The following CTNNA3 variants were observed in gnomAD, a reference collection of about 807,000 sequenced individuals.
The protein encoded by CTNNA3 is catenin alpha 3, also known as catenin alpha-3.
A neutral mutation model predicts 95.7 loss-of-function variants in CTNNA3; 76 were observed. The observed-to-expected ratio is 0.79, with a 90% CI of 0.66 to 0.96. CTNNA3 has a LOEUF of 0.96. Among genes scored for constraint, CTNNA3 ranks in the 40% least tolerant of loss-of-function variants. CTNNA3 has a pLI of 0.00. For missense variants in CTNNA3, 1,191 were observed against 1,089.8 expected (o/e 1.09, Z -1.31); for synonymous variants, 431 against 374.4 (o/e 1.15, Z -1.74).
intron 11 of CTNNA3, among the ~76,000 whole-genome samples, chr10:66,401,296 G>A (rs1221036622): frequency 6.6e-6 from 1 of 152,034 alleles, no homozygotes; most frequent in African/African-American, 2.4e-5. Context: ...GGAGGCTGAG[G>A]CAGGGGATTG....
chr10:66,690,304 T>C (rs10822877), intron 9 of CTNNA3, among the ~76,000 whole-genome samples: 27,071 of 152,036 alleles, frequency 0.18, 3,054 homozygotes, highest in East Asian at 0.34. Flanking sequence ...TTTTTATATG[T>C]CACGTCTTTT....
intron 1 of CTNNA3, among the ~76,000 whole-genome samples, chr10:67,671,280 T>C (rs745742266): frequency 2.5e-4 from 38 of 152,288 alleles, no homozygotes; most frequent in Middle Eastern, 3.4e-3. Context: ...ACTGCAAAGC[T>C]GAAGAGGAAG....
chr10:67,220,205 C>T (rs2132266690), intron 5 of CTNNA3, among the ~76,000 whole-genome samples: 1 of 152,274 alleles, frequency 6.6e-6, no homozygotes, highest in Admixed American at 6.5e-5. Flanking sequence ...TACATGGGAG[C>T]TTGAATTACA....
Position 65,917,538 on chromosome 10 carries a change from C to T in CTNNA3, c.*2792G>A, listed in dbSNP as rs1188745729. On this transcript the variant is annotated 3_prime_UTR_variant, in exon 18 of 18. Transcript: ENST00000433211. ...TGGTGGGTAACCAGGGATGGAACTG[C>T]TCCTGTGGGTGGTAAACACCCCTCT... is the stretch of plus-strand genomic sequence containing the variant. 4 of 151,844 alleles carry T rather than the reference C, an allele frequency of 2.6e-5. No homozygotes were observed. Among genetic ancestry groups the T allele is most frequent in the Non-Finnish European group, 5.9e-5 (4 of 67,986 alleles). 9.4% of individuals were successfully genotyped at this position (151,844 alleles called of 1,614,324 possible). A position where few individuals can be genotyped will look rare whatever the true frequency, so the allele number is the denominator to read the frequency against.
At position 67,219,595 on chromosome 10, in the gene CTNNA3, C is replaced by T. The variant is rs767324815; in HGVS notation, c.843+12G>A. The T allele has an allele frequency of 1.7e-5, 27 of 1,606,534 alleles. No homozygotes were observed. The highest frequency in any genetic ancestry group is 2.2e-5 in the Non-Finnish European group (26 of 1,175,272). On this transcript the variant is annotated intron_variant, in intron 6 of 17. Coordinates refer to ENST00000433211, the MANE Select transcript of CTNNA3 (RefSeq NM_013266.4). ...GGACATCAGATCACACTTTATCTTT[C>T]TCCCGACTTACCTCCAGCTCATCAA...
At chr10:66,763,155 T>C (rs1475385825) in intron 9 of CTNNA3, among the ~76,000 whole-genome samples, 1 of 152,104 alleles carries the variant, frequency 6.6e-6, no homozygotes, top group Non-Finnish European at 1.5e-5. Context: ...ATTTAGGCTC[T>C]CCTATTTTCC....
intron 11 of CTNNA3, among the ~76,000 whole-genome samples, chr10:66,510,047 A>G (rs71493979): frequency 0.041 from 6,222 of 151,738 alleles, 317 homozygotes; most frequent in East Asian, 0.22. Context: ...ATGTTTTTCA[A>G]TTTCTTTTTA....
chr10:66,038,772 C>A lies in CTNNA3; in HGVS notation c.2159+30536G>T, dbSNP rs184524757. ...AAATAATAAGAGCCATCATGGCAAACCCACAGCCAACATCATAATGAATGG... is the reference window on the plus strand; with the variant it reads ...AAATAATAAGAGCCATCATGGCAAAACCACAGCCAACATCATAATGAATGG... On this transcript the variant is annotated intron_variant, in intron 15 of 17. Transcript: ENST00000433211. Among the ~76,000 whole-genome samples, 746 of 152,262 alleles carry A rather than the reference C, an allele frequency of 4.9e-3. 2 individuals carry two copies. Among genetic ancestry groups the A allele is most frequent in the Non-Finnish European group, 7.3e-3 (500 of 68,030 alleles).
chr10:67,420,908 A>T (rs1229745186), intron 5 of CTNNA3, among the ~76,000 whole-genome samples: 1 of 152,158 alleles, frequency 6.6e-6, no homozygotes, highest in East Asian at 1.9e-4. Context: ...TATCAAACTT[A>T]ATAGTTTTGT....
At chr10:67,437,431 C>T (rs1846340194) in intron 5 of CTNNA3, among the ~76,000 whole-genome samples, 1 of 152,052 alleles carries the variant, frequency 6.6e-6, no homozygotes, top group African/African-American at 2.4e-5. Flanking sequence ...AGAACTTACT[C>T]ATGTAACCAA....
intron 13 of CTNNA3, among the ~76,000 whole-genome samples, chr10:66,277,550 G>GA (rs757613490): frequency 1.3e-5 from 2 of 151,976 alleles, no homozygotes; most frequent in Non-Finnish European, 2.9e-5. Context: ...CAGTCTTTAA[G>GA]AAAAAAACGG....
At chr10:66,246,870 G>A (rs971346953) in intron 13 of CTNNA3, among the ~76,000 whole-genome samples, 2 of 151,762 alleles carry the variant, frequency 1.3e-5, no homozygotes, top group African/African-American at 4.8e-5. Flanking sequence ...GGCTAACACG[G>A]TGAAACCCCG....
In CTNNA3 at chr10:67,335,323, C is replaced by T. The variant is rs540066818; in HGVS notation, c.580-115453G>A. Among the ~76,000 whole-genome samples, 6 of 152,186 alleles carry T rather than the reference C, an allele frequency of 3.9e-5. No homozygotes were observed. The East Asian group carries it at 1.2e-3, about 29-fold the overall frequency. On this transcript the variant is annotated intron_variant, in intron 5 of 17. Coordinates refer to ENST00000433211, the MANE Select transcript of CTNNA3 (RefSeq NM_013266.4). ...ACCTGCCAGGATAGGCACCAGCCAC[C>T]CACAACCCTGAACAGGAATAAGCAG...
At chr10:67,021,416 C>A (rs149534470) in intron 7 of CTNNA3, among the ~76,000 whole-genome samples, 34 of 152,060 alleles carry the variant, frequency 2.2e-4, no homozygotes, top group African/African-American at 8.0e-4. Context: ...TCATATGAAA[C>A]ATATATATTT....
intron 5 of CTNNA3, among the ~76,000 whole-genome samples, chr10:67,407,658 T>C (rs1845188513): frequency 6.6e-6 from 1 of 152,140 alleles, no homozygotes; most frequent in South Asian, 2.1e-4. Flanking sequence ...ATTGCGTATC[T>C]AGAAAACCCC....
chr10:66,088,270 T>C (rs563078889), intron 14 of CTNNA3, among the ~76,000 whole-genome samples: 8 of 152,182 alleles, frequency 5.3e-5, no homozygotes, highest in Admixed American at 5.2e-4. Context: ...CATATATATG[T>C]GTCATTATTT....
At chr10:67,193,002 C>T (rs1863187970) in intron 6 of CTNNA3, among the ~76,000 whole-genome samples, 1 of 151,940 alleles carries the variant, frequency 6.6e-6, no homozygotes. Context: ...ATAAGCCAAA[C>T]ACAGAAAGAC....
chr10:65,954,745 T>C (rs939755012), intron 17 of CTNNA3, among the ~76,000 whole-genome samples: 5 of 152,202 alleles, frequency 3.3e-5, no homozygotes, highest in African/African-American at 1.2e-4. Flanking sequence ...CATTGGTCTA[T>C]ATCTCTGTTT....
chr10:66,487,181 A>ATTTTTTTTTTTTTTTTTTT (rs60547696), intron 11 of CTNNA3, among the ~76,000 whole-genome samples: 1 of 45,946 alleles, frequency 2.2e-5, no homozygotes, highest in African/African-American at 9.0e-5. Flanking sequence ...AAAAGGGCAG[A>ATTTTTTTTTTTTTTTTTTT]TTTTTTTTTT....
Sources: gnomAD v4.1 joint callset for allele counts (sites outside exome capture counted in the v4.1 genomes callset) on GRCh38, gnomAD v4.1.1 for gene constraint, MANE v1.5 for transcripts, NCBI Gene and HGNC (gene_info 2026-07-23, HGNC 2026-07-21) for gene names.